The following SUZ12 variants were observed in gnomAD, a reference collection of about 807,000 sequenced individuals.
The protein encoded by SUZ12 is SUZ12 polycomb repressive complex 2 subunit.
A neutral mutation model predicts 87.3 loss-of-function variants in SUZ12; 17 were observed. The ratio of observed to expected loss-of-function variants is 0.19; its 90% CI spans 0.13 to 0.29. The LOEUF (loss-of-function observed/expected upper bound fraction) is 0.29. SUZ12 is among the 10% of genes least tolerant of loss of function. SUZ12 has a pLI of 1.00. For missense variants in SUZ12, 526 were observed against 912.2 expected, an observed-to-expected ratio of 0.58 and a Z score of 5.45; for synonymous variants, 253 against 312.4, an observed-to-expected ratio of 0.81 and a Z score of 2.01.
At chr17:31,953,290 C>A (rs1433979268) in intron 4 of SUZ12, among the ~76,000 whole-genome samples, 1 of 151,750 alleles carries the variant, frequency 6.6e-6, no homozygotes, top group Non-Finnish European at 1.5e-5. Context: ...TTTTTGTTTT[C>A]CAGTAGAGAC....
chr17:31,975,933 T>C (rs769997394), intron 7 of SUZ12, among the ~76,000 whole-genome samples: 6 of 152,330 alleles, frequency 3.9e-5, no homozygotes, highest in South Asian at 2.1e-4. Context: ...GATTCAACAA[T>C]GAACATTTTA....
chr17:31,993,685 A>T (rs550663836), intron 11 of SUZ12, among the ~76,000 whole-genome samples, 180 bp from the exon 12 acceptor site: 1 of 152,166 alleles, frequency 6.6e-6, no homozygotes, highest in South Asian at 2.1e-4. Flanking sequence ...TGGCCTCCCA[A>T]AATGCTGGGA....
At chr17:31,964,892 G>T (rs1907998530) in intron 4 of SUZ12, among the ~76,000 whole-genome samples, 1 of 152,050 alleles carries the variant, frequency 6.6e-6, no homozygotes, top group Admixed American at 6.6e-5. Flanking sequence ...TGAGGCAGGA[G>T]AATCGCTTGA....
intron 4 of SUZ12, among the ~76,000 whole-genome samples, chr17:31,963,520 C>T (rs1386949060): frequency 2.7e-5 from 4 of 147,822 alleles, no homozygotes; most frequent in African/African-American, 7.5e-5. Context: ...TTTTTTGAGA[C>T]AGAGTCTCAC....
chr17:31,951,607 G>T (rs1906984587), intron 4 of SUZ12, among the ~76,000 whole-genome samples: 1 of 151,482 alleles, frequency 6.6e-6, no homozygotes, highest in Admixed American at 6.6e-5. Context: ...AGCCTTCTGA[G>T]TAGCTGGGTC....
intron 5 of SUZ12, chr17:31,967,329 G>T (rs573858642): frequency 6.6e-6 from 1 of 151,832 alleles, no homozygotes; most frequent in Non-Finnish European, 1.5e-5. Context: ...TCTTGGTATC[G>T]TTTAGTAAGA....
At chr17:31,952,539 C>G (rs763437611) in intron 4 of SUZ12, among the ~76,000 whole-genome samples, 6 of 152,084 alleles carry the variant, frequency 3.9e-5, no homozygotes, top group Admixed American at 1.3e-4. Flanking sequence ...TTATGCTGTC[C>G]TACCAATTTT....
At chr17:31,992,320 A>T (rs182545288) in intron 10 of SUZ12, among the ~76,000 whole-genome samples, 1 of 152,302 alleles carries the variant, frequency 6.6e-6, no homozygotes, top group East Asian at 1.9e-4. Flanking sequence ...TTCTGACCTC[A>T]GAGTGCTTAA....
At chr17:31,990,787 A>T (rs1462052178) in intron 10 of SUZ12, among the ~76,000 whole-genome samples, 3 of 151,504 alleles carry the variant, frequency 2.0e-5, no homozygotes, top group Non-Finnish European at 4.4e-5. Context: ...TCTCTCTCTC[A>T]CCCTGGCTGG....
chr17:31,999,941 ATTTG>A lies in SUZ12; in HGVS notation c.*943_*946del, dbSNP rs1910175929. On this transcript the variant is annotated 3_prime_UTR_variant, in exon 16 of 16. Coordinates refer to ENST00000322652, the MANE Select transcript of SUZ12 (RefSeq NM_015355.4). ...CAACCAGAAAACTGTTATGCCTTTT[ATTTG>A]TTTGCAAGGATGTCTTTGTAATGTG... 1 of 232,660 alleles carries A rather than the reference ATTTG, an allele frequency of 4.3e-6. No individual in the cohort carries two copies. Among genetic ancestry groups the A allele is most frequent in the African/African-American group, 2.2e-5 (1 of 45,332 alleles). 14.4% of individuals were successfully genotyped at this position (232,660 alleles called of 1,614,324 possible).
intron 3 of SUZ12, among the ~76,000 whole-genome samples, chr17:31,944,397 G>T (rs1178197296): frequency 6.6e-6 from 1 of 152,080 alleles, no homozygotes; most frequent in South Asian, 2.1e-4. Flanking sequence ...CAAAGTGCTG[G>T]GATTACAGGT....
intron 4 of SUZ12, among the ~76,000 whole-genome samples, chr17:31,949,676 C>CGTTTTTTTTTTTT (rs1906839689): frequency 8.1e-5 from 1 of 12,372 alleles, no homozygotes; most frequent in African/African-American, 3.5e-4. Context: ...CCCCCCCCCC[C>CGTTTTTTTTTTTT]TTTTTTTTTT....
In SUZ12 at chr17:31,942,137, C is replaced by G. The variant is rs1268408051; in HGVS notation, c.386+1651C>G. Among the ~76,000 whole-genome samples the G allele has an allele frequency of 2.6e-5, 4 of 152,336 alleles. No individual in the cohort carries two copies. In the East Asian group the frequency reaches 5.8e-4, roughly 22 times the overall value. On this transcript the variant is annotated intron_variant, in intron 3 of 15. Transcript: ENST00000322652. ...AAAGTGCTGAGATGACAGGCGTGAG[C>G]CACTGCGCCCGGCCTCCGCTGGTTA...
chr17:31,963,521 A>G (rs112609100), intron 4 of SUZ12, among the ~76,000 whole-genome samples: 22,420 of 141,248 alleles, frequency 0.16, no homozygotes, highest in African/African-American at 0.3. Context: ...TTTTTGAGAC[A>G]GAGTCTCACT....
At chr17:31,955,842 A>C (rs200381965) in intron 4 of SUZ12, among the ~76,000 whole-genome samples, 2 of 152,060 alleles carry the variant, frequency 1.3e-5, no homozygotes, top group Non-Finnish European at 1.5e-5. Context: ...TCAGCCTCTC[A>C]AAGCATTGAG....
chr17:31,998,448 TTTAAGC>T (rs1341337770), intron 15 of SUZ12, among the ~76,000 whole-genome samples: 5 of 151,120 alleles, frequency 3.3e-5, no homozygotes, highest in African/African-American at 1.2e-4. Flanking sequence ...ATGGTACCTG[TTTAAGC>T]TTAAGTTAGA....
intron 3 of SUZ12, among the ~76,000 whole-genome samples, chr17:31,941,401 C>G (rs763206985): frequency 2.4e-4 from 36 of 151,986 alleles, no homozygotes; most frequent in Non-Finnish European, 4.6e-4. Context: ...GGGTTACAGG[C>G]GCCTGCCACC....
chr17:31,994,609 TATG>T lies in SUZ12; in HGVS notation c.1487_1489del (p.Asp496del), dbSNP rs868386959. Reference sequence around the variant, plus strand: ...GATAGATGTTTCTATCAATGAGTGTTATGATGGCTCCTATGCAGGAAATCCTCA... The same window carrying T: ...GATAGATGTTTCTATCAATGAGTGTTATGGCTCCTATGCAGGAAATCCTCA... On this transcript the variant is annotated inframe_deletion, in exon 13 of 16. Coordinates refer to ENST00000322652, the MANE Select transcript of SUZ12 (RefSeq NM_015355.4). 1 of 1,613,984 alleles carries T rather than the reference TATG, an allele frequency of 6.2e-7. No individual in the cohort carries two copies. The highest frequency in any genetic ancestry group is 1.3e-5 in the African/African-American group (1 of 74,938).
At chr17:31,979,125 AGAATT>A (rs1567830322) in intron 8 of SUZ12, among the ~76,000 whole-genome samples, 1 of 144,438 alleles carries the variant, frequency 6.9e-6, no homozygotes, top group Non-Finnish European at 1.5e-5. Context: ...AAAAAAAAAA[AGAATT>A]CAAAACGATA....
Sources: allele counts gnomAD v4.1 joint callset (sites outside exome capture counted in the v4.1 genomes callset), GRCh38; gene constraint gnomAD v4.1.1; transcripts MANE v1.5; gene names NCBI Gene and HGNC (gene_info 2026-07-23, HGNC 2026-07-21).